FGF14: variants seen among roughly 807,000 people sequenced by gnomAD.
FGF14 encodes fibroblast growth factor 14.
In FGF14, 5 loss-of-function variants were observed where a neutral mutation model predicts 25.5. The ratio of observed to expected loss-of-function variants is 0.20; its 90% CI spans 0.10 to 0.41. The LOEUF (loss-of-function observed/expected upper bound fraction) is 0.41, where lower values mean the gene tolerates loss of function less well. Among genes scored for constraint, FGF14 ranks in the 10% least tolerant of loss-of-function variants. FGF14 has a pLI of 1.00. For missense variants in FGF14, 222 were observed against 320.1 expected (o/e 0.69, Z 2.34); for synonymous variants, 138 against 118.3 (o/e 1.17, Z -1.08).
At chr13:101,998,693 T>A (rs2039318466) in intron 1 of FGF14, among the ~76,000 whole-genome samples, 1 of 152,222 alleles carries the variant, frequency 6.6e-6, no homozygotes, top group Non-Finnish European at 1.5e-5. Flanking sequence ...GCACATAGGC[T>A]GGAGGCTCCC....
At chr13:102,080,606 G>A (rs2043573088) in intron 1 of FGF14, among the ~76,000 whole-genome samples, 1 of 152,150 alleles carries the variant, frequency 6.6e-6, no homozygotes, top group Admixed American at 6.5e-5. Context: ...TGTGTAAAAT[G>A]TGTGGGAAAA....
chr13:102,081,364 G>A (rs1292876011), intron 1 of FGF14, among the ~76,000 whole-genome samples: 1 of 152,122 alleles, frequency 6.6e-6, no homozygotes, highest in Non-Finnish European at 1.5e-5. Context: ...CTGATTACAG[G>A]GTGTAGGCAT....
intron 1 of FGF14, among the ~76,000 whole-genome samples, chr13:101,923,427 C>T (rs535986897): frequency 2.0e-4 from 31 of 152,024 alleles, no homozygotes; most frequent in African/African-American, 7.0e-4. Flanking sequence ...GAAATACTTC[C>T]GGAAAAGTAA....
At position 101,965,258 on chromosome 13, in the gene FGF14, A is replaced by C. The variant is rs186700753; in HGVS notation, c.209-89962T>G. 4.8e-3 allele frequency among the ~76,000 whole-genome samples: 712 copies of C among 147,994 alleles called. 10 individuals carry two copies. Among genetic ancestry groups the C allele is most frequent in the African/African-American group, 0.017 (680 of 40,476 alleles). ...AGCAAGACTGTCTAAAAAAAAAAAA[A>C]AAACCTCCTCTTGTGGTTAACTACA... On this transcript the variant is annotated intron_variant, in intron 1 of 4. Coordinates refer to the FGF14 transcript ENST00000376131.
At chr13:101,991,494 T>A (rs1201396279) in intron 1 of FGF14, among the ~76,000 whole-genome samples, 4 of 152,154 alleles carry the variant, frequency 2.6e-5, no homozygotes, top group Non-Finnish European at 5.9e-5. Flanking sequence ...GACTTCCAGT[T>A]TCTAGTCTGA....
At chr13:101,765,727 T>C (rs2038349031) in intron 3 of FGF14, among the ~76,000 whole-genome samples, 1 of 150,744 alleles carries the variant, frequency 6.6e-6, no homozygotes, top group Admixed American at 6.6e-5. Flanking sequence ...ATTTTATTTA[T>C]TTATTTATTT....
rs1400868308 is a variant in FGF14, at chr13:101,714,309, A to C, written c.*8522T>G. 2.9e-6 allele frequency: 2 copies of C among 678,554 alleles called. No individual in the cohort carries two copies. The highest frequency in any genetic ancestry group is 2.4e-5 in the Admixed American group (1 of 42,256). The allele number at this position is 678,554 out of a possible 1,614,324, so 42.0% of individuals were successfully genotyped here. A position where few individuals can be genotyped will look rare whatever the true frequency, so the allele number is the denominator to read the frequency against. On this transcript the variant is annotated 3_prime_UTR_variant, in exon 5 of 5. Transcript: ENST00000376143. ...AAAGCTCCCCTCTGAGAAACCAGCC[A>C]TTCAATACACTTTTACCTTTGGATG...
chr13:101,897,581 G>C (rs915127284), intron 1 of FGF14, among the ~76,000 whole-genome samples: 1 of 152,176 alleles, frequency 6.6e-6, no homozygotes, highest in Non-Finnish European at 1.5e-5. Flanking sequence ...TAAGAGCTAA[G>C]TCATAATTAG....
At chr13:101,869,099 C>T (rs762467967) in intron 2 of FGF14, among the ~76,000 whole-genome samples, 18 of 152,182 alleles carry the variant, frequency 1.2e-4, no homozygotes, top group Non-Finnish European at 2.2e-4. Context: ...AGCCTGTAAT[C>T]GTGCCTCTAG....
chr13:101,954,699 A>AGTGT (rs5806259), intron 1 of FGF14, among the ~76,000 whole-genome samples: 13,110 of 150,828 alleles, frequency 0.087, 730 homozygotes, highest in Admixed American at 0.19. Context: ...ATTCACTGAA[A>AGTGT]GTGTGTGTGT....
intron 1 of FGF14, among the ~76,000 whole-genome samples, chr13:102,164,470 G>A (rs2047913495): frequency 1.3e-5 from 2 of 152,262 alleles, no homozygotes; most frequent in Admixed American, 1.3e-4. Flanking sequence ...AGAAAGCACA[G>A]AAATTTCTTC....
intron 1 of FGF14, among the ~76,000 whole-genome samples, chr13:102,161,699 A>G (rs1400361560): frequency 2.9e-4 from 38 of 128,818 alleles, no homozygotes; most frequent in South Asian, 3.3e-4. Flanking sequence ...AAGAAGAAGA[A>G]GAAGAAGAAG....
chr13:102,205,366 A>T (rs893602901), intron 1 of FGF14, among the ~76,000 whole-genome samples: 1 of 152,212 alleles, frequency 6.6e-6, no homozygotes, highest in African/African-American at 2.4e-5. Flanking sequence ...CTCAAAAAAA[A>T]CCCAATGGTA....
chr13:102,305,789 C>G (rs1043247035), intron 1 of FGF14, among the ~76,000 whole-genome samples: 1 of 152,096 alleles, frequency 6.6e-6, no homozygotes, highest in African/African-American at 2.4e-5. Context: ...TTGAAGTAAA[C>G]AGATGAAATA....
intron 1 of FGF14, among the ~76,000 whole-genome samples, chr13:101,932,201 A>G (rs1178135541): frequency 1.3e-5 from 2 of 152,162 alleles, no homozygotes; most frequent in Admixed American, 1.3e-4. Flanking sequence ...AGCCCACAGG[A>G]AAAGGTGTAT....
At chr13:101,723,439 ACTTT>A (rs1272137904) in intron 4 of FGF14, among the ~76,000 whole-genome samples, 5 of 152,090 alleles carry the variant, frequency 3.3e-5, no homozygotes, top group African/African-American at 1.2e-4. Context: ...ACATTAAATT[ACTTT>A]CTTTCATGTG....
intron 1 of FGF14, among the ~76,000 whole-genome samples, chr13:102,149,033 CTTTT>C (rs1216002902): frequency 6.6e-6 from 1 of 152,028 alleles, no homozygotes; most frequent in Admixed American, 6.6e-5. Flanking sequence ...AAAACTGCAA[CTTTT>C]TATTAGTAAT....
intron 1 of FGF14, among the ~76,000 whole-genome samples, chr13:102,299,408 A>T (rs1225339825): frequency 6.6e-6 from 1 of 152,148 alleles, no homozygotes. Flanking sequence ...GCTTCTTAGG[A>T]TTAAGCCATG....
intron 1 of FGF14, chr13:102,300,112 C>T (rs181240603): frequency 1.3e-5 from 2 of 152,118 alleles, no homozygotes; most frequent in African/African-American, 2.4e-5. Flanking sequence ...TAAAATCAGC[C>T]GTGTGAAGAA....
Sources: gnomAD v4.1 joint callset for allele counts (sites outside exome capture counted in the v4.1 genomes callset) on GRCh38, gnomAD v4.1.1 for gene constraint, MANE v1.5 for transcripts, NCBI Gene and HGNC (gene_info 2026-07-23, HGNC 2026-07-21) for gene names.